The following PLCB1 variants were observed in gnomAD, a reference collection of about 807,000 sequenced individuals.
PLCB1 encodes the protein phospholipase C beta 1.
A neutral mutation model predicts 161.8 loss-of-function variants in PLCB1; 46 were observed. The ratio of observed to expected loss-of-function variants is 0.28; its 90% confidence interval spans 0.22 to 0.36. The LOEUF is 0.36. PLCB1 is among the 10% of genes least tolerant of loss of function. PLCB1 has a pLI of 1.00. For synonymous variants in PLCB1, 517 were observed against 503.7 expected (o/e 1.03, Z -0.35); for missense variants, 1,016 against 1,472.5 (o/e 0.69, Z 5.07).
chr20:8,734,875 C>A (rs1425048990), intron 19 of PLCB1, among the ~76,000 whole-genome samples: 1 of 152,124 alleles, frequency 6.6e-6, no homozygotes, highest in Non-Finnish European at 1.5e-5. Flanking sequence ...AAAAAGCTTT[C>A]TATAACAGCT....
At chr20:8,726,668 C>T (rs1161088864) in intron 16 of PLCB1, among the ~76,000 whole-genome samples, 3 of 151,992 alleles carry the variant, frequency 2.0e-5, no homozygotes, top group Non-Finnish European at 2.9e-5. Flanking sequence ...ATTACCCCCA[C>T]TTGGTAACCC....
At chr20:8,206,314 A>G (rs1287589698) in intron 2 of PLCB1, among the ~76,000 whole-genome samples, 1 of 152,086 alleles carries the variant, frequency 6.6e-6, no homozygotes, top group Non-Finnish European at 1.5e-5. Context: ...TTAATCATTT[A>G]TGTATTGTGA....
chr20:8,710,054 T>C (rs2123454392), intron 12 of PLCB1, among the ~76,000 whole-genome samples: 1 of 152,350 alleles, frequency 6.6e-6, no homozygotes, highest in Admixed American at 6.5e-5. Flanking sequence ...GAGTCCATTC[T>C]TGTACTGCTA....
At chr20:8,497,882 G>T (rs1157321685) in intron 3 of PLCB1, among the ~76,000 whole-genome samples, 2 of 152,132 alleles carry the variant, frequency 1.3e-5, no homozygotes, top group Non-Finnish European at 2.9e-5. Context: ...TAATTAGGGA[G>T]TGTTCATTTT....
intron 3 of PLCB1, among the ~76,000 whole-genome samples, chr20:8,495,719 A>G (rs1017129071): frequency 6.6e-6 from 1 of 151,838 alleles, no homozygotes; most frequent in Non-Finnish European, 1.5e-5. Context: ...TTACTTAACC[A>G]ATCATGCCAC....
At chr20:8,525,654 G>C (rs984842232) in intron 3 of PLCB1, among the ~76,000 whole-genome samples, 3 of 152,086 alleles carry the variant, frequency 2.0e-5, no homozygotes, top group Non-Finnish European at 4.4e-5. Flanking sequence ...CCAACAATTG[G>C]TTGTGTTGTT....
At chr20:8,407,199 T>G (rs1196325216) in intron 3 of PLCB1, among the ~76,000 whole-genome samples, 2 of 152,178 alleles carry the variant, frequency 1.3e-5, no homozygotes, top group African/African-American at 4.8e-5. Context: ...AAGAAATCTT[T>G]CATACAGAAT....
At chr20:8,702,959 A>G (rs1394861076) in intron 11 of PLCB1, among the ~76,000 whole-genome samples, 1 of 152,180 alleles carries the variant, frequency 6.6e-6, no homozygotes, top group Non-Finnish European at 1.5e-5. Context: ...TAATTGGAAA[A>G]TTTTCCTAAG....
At chr20:8,559,766 T>A (rs571015164) in intron 3 of PLCB1, among the ~76,000 whole-genome samples, 4 of 152,062 alleles carry the variant, frequency 2.6e-5, no homozygotes, top group African/African-American at 9.6e-5. Flanking sequence ...TATAAAACAA[T>A]TGAAAACATA....
intron 2 of PLCB1, among the ~76,000 whole-genome samples, chr20:8,312,075 C>T (rs747482327): frequency 6.6e-6 from 1 of 152,220 alleles, no homozygotes; most frequent in East Asian, 1.9e-4. Context: ...CTATCCAGAT[C>T]CATGTCACCT....
chr20:8,566,935 G>A (rs1015210684), intron 3 of PLCB1, among the ~76,000 whole-genome samples: 1 of 151,692 alleles, frequency 6.6e-6, no homozygotes, highest in African/African-American at 2.4e-5. Context: ...ATTTGTTCTT[G>A]AGGGTTCCTT....
chr20:8,829,795 A>C (rs1335875438), intron 31 of PLCB1, among the ~76,000 whole-genome samples: 3 of 152,250 alleles, frequency 2.0e-5, no homozygotes, highest in Non-Finnish European at 2.9e-5. Context: ...AAAAGTACTC[A>C]GTGTAAAAAT....
chr20:8,629,963 C>CTTCTTTCTTTTCTTTCTTTCTTCT, intron 4 of PLCB1, among the ~76,000 whole-genome samples: 1 of 111,138 alleles, frequency 9.0e-6, no homozygotes, highest in South Asian at 3.1e-4. Flanking sequence ...TTCTTTCTTT[C>CTTCTTTCTTTTCTTTCTTTCTTCT]TTCTTTCTTT....
intron 10 of PLCB1, among the ~76,000 whole-genome samples, chr20:8,696,820 G>T (rs554625227): frequency 6.6e-6 from 1 of 152,004 alleles, no homozygotes; most frequent in Admixed American, 6.5e-5. Flanking sequence ...TGCAAGCTCC[G>T]CCTCCCGGGT....
rs111508342 is a variant in PLCB1 at position 8,684,229 on chromosome 20, A to ATTATTTATTTAT, written c.863-676_863-665dup. ...TTTTAAATAATAAAACCACTTGTAA[A>ATTATTTATTTAT]TTATTTATTTATTTATTTATTTATT... is the stretch of plus-strand genomic sequence containing the variant. On this transcript the variant is annotated intron_variant, in intron 9 of 31. Transcript: ENST00000338037. 5.4e-3 allele frequency among the ~76,000 whole-genome samples: 779 copies of ATTATTTATTTAT among 145,230 alleles called. 7 individuals are homozygous for ATTATTTATTTAT. Among genetic ancestry groups the ATTATTTATTTAT allele is most frequent in the Admixed American group, 0.011 (164 of 14,546 alleles).
chr20:8,171,358 A>C (rs139831212), intron 2 of PLCB1, among the ~76,000 whole-genome samples: 1 of 152,254 alleles, frequency 6.6e-6, no homozygotes, highest in African/African-American at 2.4e-5. Flanking sequence ...ATAAGCTTCA[A>C]ATTCATTTCT....
chr20:8,251,253 G>A (rs1343214799), intron 2 of PLCB1, among the ~76,000 whole-genome samples: 1 of 151,948 alleles, frequency 6.6e-6, no homozygotes, highest in Non-Finnish European at 1.5e-5. Context: ...TACGATCACA[G>A]TGGGAGTTAA....
intron 2 of PLCB1, among the ~76,000 whole-genome samples, chr20:8,167,012 G>A (rs2051682574): frequency 6.6e-6 from 1 of 152,196 alleles, no homozygotes; most frequent in Non-Finnish European, 1.5e-5. Flanking sequence ...GTCCTTGTCC[G>A]TGTTTAAGAC....
chr20:8,679,465 A>G (rs1382430036), intron 9 of PLCB1, among the ~76,000 whole-genome samples: 1 of 152,170 alleles, frequency 6.6e-6, no homozygotes, highest in Non-Finnish European at 1.5e-5. Context: ...ATAGCCCAGT[A>G]AATACTCAAG....
Sources: gnomAD v4.1 joint callset for allele counts (sites outside exome capture counted in the v4.1 genomes callset) on GRCh38, gnomAD v4.1.1 for gene constraint, MANE v1.5 for transcripts, NCBI Gene and HGNC (gene_info 2026-07-23, HGNC 2026-07-21) for gene names.